Variants in MFF observed in about 807,000 individuals in gnomAD.
MFF encodes the protein chromosome 2 open reading frame 33.
A neutral mutation model predicts 36.9 loss-of-function variants in MFF; 12 were observed. That is an observed-to-expected ratio of 0.33 (90% CI 0.21 to 0.53). The LOEUF (loss-of-function observed/expected upper bound fraction) is 0.53, where lower values mean the gene tolerates loss of function less well. Among genes scored for constraint, MFF ranks in the 20% least tolerant of loss-of-function variants. MFF has a pLI of 0.95. For missense variants in MFF, 348 were observed against 366.6 expected (o/e 0.95, Z 0.42); for synonymous variants, 99 against 126.2 (o/e 0.78, Z 1.44).
At chr2:227,326,579 A>G (rs2106325749) in intron 1 of MFF, among the ~76,000 whole-genome samples, 1 of 152,244 alleles carries the variant, frequency 6.6e-6, no homozygotes, top group South Asian at 2.1e-4. Context: ...AGAATTGCAA[A>G]GTTTAGTCTT....
intron 7 of MFF, among the ~76,000 whole-genome samples, chr2:227,354,275 TGTCTTTA>T (rs2076151489): frequency 6.6e-6 from 1 of 152,226 alleles, no homozygotes; most frequent in Non-Finnish European, 1.5e-5. Flanking sequence ...TGAGTAGACT[TGTCTTTA>T]ACATGTCTGG....
intron 4 of MFF, among the ~76,000 whole-genome samples, chr2:227,335,672 G>A (rs1202725040): frequency 6.6e-6 from 1 of 152,228 alleles, no homozygotes; most frequent in Non-Finnish European, 1.5e-5. Flanking sequence ...ATTGATGCAA[G>A]GGATAAATTT....
At chr2:227,345,589 AGT>A (rs2075665582) in intron 5 of MFF, among the ~76,000 whole-genome samples, 1 of 152,224 alleles carries the variant, frequency 6.6e-6, no homozygotes, top group Non-Finnish European at 1.5e-5. Flanking sequence ...TCTCACAAGC[AGT>A]AAGAGCTTCA....
intron 5 of MFF, among the ~76,000 whole-genome samples, chr2:227,344,991 A>AT (rs1380794969): frequency 6.6e-6 from 1 of 152,088 alleles, no homozygotes; most frequent in African/African-American, 2.4e-5. Flanking sequence ...GTTTTTTCTC[A>AT]TTGTATTCCA....
rs1418304392 is a variant in MFF at position 227,330,838 on chromosome 2, T to C, written c.173T>C (p.Val58Ala). 1.2e-6 allele frequency: 2 copies of C among 1,613,402 alleles called. No individual in the cohort carries two copies. Among genetic ancestry groups the C allele is most frequent in the Admixed American group, 3.3e-5 (2 of 60,004 alleles). ...SVIMQVPERI[V>A]VAGNNEDVSF... ...ATAATGCAAGTTCCGGAGAGGATTGTTGTAGCAGGTATTTCACCTTTACTT... is the reference window on the plus strand; with the variant it reads ...ATAATGCAAGTTCCGGAGAGGATTGCTGTAGCAGGTATTTCACCTTTACTT... Residue 58 changes from valine to alanine, a missense_variant, in exon 3 of 9, where the codon GTT (valine) becomes GCT (alanine). Transcript: ENST00000304593.
At chr2:227,342,511 G>A (rs1384610487) in intron 5 of MFF, among the ~76,000 whole-genome samples, 2 of 152,110 alleles carry the variant, frequency 1.3e-5, no homozygotes, top group Non-Finnish European at 1.5e-5. Flanking sequence ...GCGTCATAGT[G>A]CATGAAACTT....
At chr2:227,355,976 C>G (rs577961558) in intron 8 of MFF, among the ~76,000 whole-genome samples, 1 of 148,174 alleles carries the variant, frequency 6.7e-6, no homozygotes, top group East Asian at 2.0e-4. Context: ...TAATGTAATT[C>G]TGGCCAGTAA....
chr2:227,330,780 G>A lies in MFF; in HGVS notation c.115G>A (p.Gly39Arg), dbSNP rs201993285. The change falls in exon 3 of 9, where the codon GGA becomes AGA. Residue 39 changes from glycine to arginine, a missense_variant. Physicochemically the swap from Gly to Arg is moderately radical, Grantham distance 125. Coordinates refer to ENST00000304593, the MANE Select transcript of MFF (RefSeq NM_001277062.2). ...VAPPNADLEQ[G>R]FQEGVPNASV... ...ACCGCCAAACGCTGACCTGGAACAA[G>A]GATTCCAAGAAGGAGTTCCAAATGC... The A allele has an allele frequency of 8.7e-6, 14 of 1,614,180 alleles. No homozygotes were observed. In the East Asian group the frequency reaches 1.6e-4, roughly 18 times the overall value.
intron 7 of MFF, among the ~76,000 whole-genome samples, chr2:227,355,105 G>C (rs2076194119): frequency 6.6e-6 from 1 of 152,192 alleles, no homozygotes; most frequent in African/African-American, 2.4e-5. Context: ...AGGTTGCAAT[G>C]AGCCGAGATT....
chr2:227,342,388 T>C (rs956500822), intron 5 of MFF, among the ~76,000 whole-genome samples: 2 of 152,218 alleles, frequency 1.3e-5, no homozygotes, highest in African/African-American at 2.4e-5. Context: ...TTATTCAGTG[T>C]TGTTAACGTA....
rs900825989 is a variant in MFF at position 227,328,742 on chromosome 2, C to T, written c.-88C>T. 1.6e-5 allele frequency: 3 copies of T among 187,894 alleles called. No individual in the cohort carries two copies. The highest frequency in any genetic ancestry group is 3.5e-5 in the Non-Finnish European group (3 of 85,452). 11.6% of individuals were successfully genotyped at this position (187,894 alleles called of 1,614,324 possible). On this transcript the variant is annotated 5_prime_UTR_variant, in exon 2 of 9. Transcript: ENST00000304593. ...GCAAGTTAAAGGATTTAATATGAAG[C>T]ACAGAAGCAGATAGTGCCAAATAGC... is the stretch of plus-strand genomic sequence containing the variant.
chr2:227,335,794 A>C (rs1559957743), intron 4 of MFF, among the ~76,000 whole-genome samples: 1 of 152,244 alleles, frequency 6.6e-6, no homozygotes, highest in Non-Finnish European at 1.5e-5. Context: ...GACAGTTTAA[A>C]AATGTGAGGC....
intron 4 of MFF, among the ~76,000 whole-genome samples, chr2:227,338,628 G>A (rs78729716): frequency 0.14 from 20,428 of 149,782 alleles, 1,430 homozygotes; most frequent in Middle Eastern, 0.16. Flanking sequence ...TTAGGAGTTC[G>A]AGACCAGCCT....
Position 227,332,586 on chromosome 2 carries a change from GAAGT to G in MFF, c.351+4_351+7del. The G allele has an allele frequency of 6.2e-7, 1 of 1,603,690 alleles. No homozygotes were observed. The highest frequency in any genetic ancestry group is 8.5e-7 in the Non-Finnish European group (1 of 1,174,718). Reference sequence around the variant, plus strand: ...ACCTCCTACAACCCCTCAAAATGAAGAAGTAAGTAGAACTTTAGTATCACCGGAA... The same window carrying G: ...ACCTCCTACAACCCCTCAAAATGAAGAAGTAGAACTTTAGTATCACCGGAA... On this transcript the variant is annotated splice_donor_variant and coding_sequence_variant, in exon 4 of 9. Transcript: ENST00000304593. LOFTEE classifies it high-confidence loss of function.
intron 5 of MFF, 111 bp downstream of exon 5, chr2:227,340,491 A>G: frequency 2.6e-6 from 2 of 774,332 alleles, no homozygotes; most frequent in African/African-American, 1.8e-5. Context: ...TTTGTTTTAC[A>G]TCAATTTTAT....
intron 5 of MFF, among the ~76,000 whole-genome samples, chr2:227,343,033 G>A (rs1433941942): frequency 6.6e-6 from 1 of 151,898 alleles, no homozygotes; most frequent in African/African-American, 2.4e-5. Flanking sequence ...AGTTGTATAT[G>A]ATTTTGCATG....
intron 1 of MFF, among the ~76,000 whole-genome samples, chr2:227,326,218 T>G (rs1483271062): frequency 2.0e-5 from 3 of 148,844 alleles, no homozygotes; most frequent in Admixed American, 6.6e-5. Context: ...TTGGAGAACA[T>G]TAAAGGGGAA....
chr2:227,333,602 A>G (rs1049706078), intron 4 of MFF, among the ~76,000 whole-genome samples: 1 of 152,220 alleles, frequency 6.6e-6, no homozygotes, highest in Non-Finnish European at 1.5e-5. Flanking sequence ...CAGCAGGACA[A>G]TGATATGAGT....
intron 7 of MFF, among the ~76,000 whole-genome samples, chr2:227,353,299 A>G (rs376159470): frequency 7.9e-5 from 12 of 152,312 alleles, no homozygotes; most frequent in East Asian, 5.8e-4. Context: ...GTATTCACAG[A>G]TGCTATTACT....
Sources: allele counts gnomAD v4.1 joint callset (sites outside exome capture counted in the v4.1 genomes callset), GRCh38; gene constraint gnomAD v4.1.1; transcripts MANE v1.5; gene names NCBI Gene and HGNC (gene_info 2026-07-23, HGNC 2026-07-21).